The following SAMD3 variants were observed in gnomAD, a reference collection of about 807,000 sequenced individuals.
SAMD3 encodes the protein sterile alpha motif domain-containing protein 3.
In SAMD3, 63 loss-of-function variants were observed where a neutral mutation model predicts 58.5. The ratio of observed to expected loss-of-function variants is 1.08; its 90% CI spans 0.88 to 1.33. The LOEUF is 1.33. Ranked by LOEUF, SAMD3 falls within the 40% of genes most tolerant of loss-of-function variation. The pLI, the probability that SAMD3 is intolerant of heterozygous loss-of-function variation, is 0.00. For missense variants in SAMD3, 604 were observed against 608.4 expected (o/e 0.99, Z 0.08); for synonymous variants, 220 against 210.3 (o/e 1.05, Z -0.40).
chr6:130,287,728 G>A (rs563060194), intron 2 of SAMD3, among the ~76,000 whole-genome samples: 5 of 152,156 alleles, frequency 3.3e-5, no homozygotes, highest in African/African-American at 9.6e-5. Flanking sequence ...GGCAGATCAC[G>A]AGGTTAAGCA....
chr6:130,169,322 T>C (rs1468848338), intron 8 of SAMD3, among the ~76,000 whole-genome samples: 2 of 152,202 alleles, frequency 1.3e-5, no homozygotes, highest in Admixed American at 6.5e-5. Flanking sequence ...TTCTGTAATA[T>C]TCCATTATAA....
At chr6:130,269,441 G>T (rs902754506) in intron 2 of SAMD3, among the ~76,000 whole-genome samples, 18 of 152,094 alleles carry the variant, frequency 1.2e-4, no homozygotes, top group Non-Finnish European at 2.1e-4. Flanking sequence ...TTTTATTTCA[G>T]GAGTTTGTGA....
At chr6:130,228,686 A>T (rs761977466) in intron 2 of SAMD3, among the ~76,000 whole-genome samples, 1 of 152,220 alleles carries the variant, frequency 6.6e-6, no homozygotes, top group African/African-American at 2.4e-5. Flanking sequence ...GTTTTCACGC[A>T]TGTTCCTCCT....
intron 8 of SAMD3, chr6:130,162,029 G>A (rs2114616179): frequency 4.9e-6 from 2 of 407,012 alleles, no homozygotes; most frequent in Non-Finnish European, 8.7e-6. Context: ...TACACTGAAG[G>A]GAAGTGTAGG....
intron 2 of SAMD3, among the ~76,000 whole-genome samples, chr6:130,264,188 C>G (rs1209035761): frequency 6.6e-6 from 1 of 152,188 alleles, no homozygotes; most frequent in African/African-American, 2.4e-5. Context: ...TGCATGGTAG[C>G]TCTTTTCCCG....
At chr6:130,345,647 T>A (rs1777426149) in intron 1 of SAMD3, among the ~76,000 whole-genome samples, 1 of 151,150 alleles carries the variant, frequency 6.6e-6, no homozygotes, top group East Asian at 2.0e-4. Flanking sequence ...GTACCTGGCA[T>A]ATGGCAGGCC....
intron 2 of SAMD3, among the ~76,000 whole-genome samples, chr6:130,266,712 A>G (rs1774369602): frequency 6.6e-6 from 1 of 152,226 alleles, no homozygotes; most frequent in African/African-American, 2.4e-5. Context: ...CCTGACCAGT[A>G]GGCAGGTAGT....
At chr6:130,197,441 A>T (rs1424236874) in intron 5 of SAMD3, among the ~76,000 whole-genome samples, 1 of 152,222 alleles carries the variant, frequency 6.6e-6, no homozygotes, top group Non-Finnish European at 1.5e-5. Flanking sequence ...TGCTGGTAGG[A>T]CTATGCTGAA....
At chr6:130,317,554 G>T (rs1304121613) in intron 1 of SAMD3, among the ~76,000 whole-genome samples, 2 of 152,180 alleles carry the variant, frequency 1.3e-5, no homozygotes, top group South Asian at 2.1e-4. Context: ...CTTATACAAA[G>T]AAACTGATAT....
intron 2 of SAMD3, among the ~76,000 whole-genome samples, chr6:130,233,606 C>G (rs191133095): frequency 6.6e-6 from 1 of 152,226 alleles, no homozygotes; most frequent in South Asian, 2.1e-4. Context: ...GAAGGAATCA[C>G]TTTAAAAAGC....
At chr6:130,340,285 G>C (rs114311686) in intron 1 of SAMD3, among the ~76,000 whole-genome samples, 3 of 152,268 alleles carry the variant, frequency 2.0e-5, no homozygotes, top group South Asian at 4.2e-4. Flanking sequence ...GGCTCTAGGG[G>C]AGAATCTGTT....
At chr6:130,192,054 G>A (rs1793595817) in intron 5 of SAMD3, among the ~76,000 whole-genome samples, 1 of 152,156 alleles carries the variant, frequency 6.6e-6, no homozygotes, top group Non-Finnish European at 1.5e-5. Flanking sequence ...TGCCATGCAT[G>A]TGGTTCTCCT....
intron 2 of SAMD3, among the ~76,000 whole-genome samples, chr6:130,306,026 C>T (rs897712707): frequency 1.3e-5 from 2 of 152,154 alleles, no homozygotes; most frequent in African/African-American, 4.8e-5. Flanking sequence ...AAGGAAAAGG[C>T]AGTTCTCTAG....
At chr6:130,174,187 G>A (rs1355938067) in intron 8 of SAMD3, among the ~76,000 whole-genome samples, 1 of 152,174 alleles carries the variant, frequency 6.6e-6, no homozygotes, top group Non-Finnish European at 1.5e-5. Flanking sequence ...GGATTGAACA[G>A]TTCTGTCTCA....
chr6:130,231,007 C>T (rs1024969529), intron 2 of SAMD3, among the ~76,000 whole-genome samples: 2 of 151,814 alleles, frequency 1.3e-5, no homozygotes, highest in Admixed American at 6.6e-5. Context: ...CTATTAATGA[C>T]TTAAATAAGA....
intron 1 of SAMD3, among the ~76,000 whole-genome samples, 152 bp downstream of exon 1, chr6:130,222,542 T>C (rs12194317): frequency 0.1 from 15,949 of 152,232 alleles, 1,099 homozygotes; most frequent in Admixed American, 0.16. Context: ...GGAAAGCATA[T>C]ACTAGAAGGC....
chr6:130,311,902 C>A (rs960379608), intron 2 of SAMD3, among the ~76,000 whole-genome samples: 1 of 152,084 alleles, frequency 6.6e-6, no homozygotes, highest in Admixed American at 6.6e-5. Flanking sequence ...AGGAGGGGGG[C>A]CTTTGATGAG....
At chr6:130,195,801 C>A (rs1418174013) in intron 5 of SAMD3, among the ~76,000 whole-genome samples, 1 of 152,190 alleles carries the variant, frequency 6.6e-6, no homozygotes, top group African/African-American at 2.4e-5. Context: ...CACGTGCTCT[C>A]CCTGCCGATC....
intron 9 of SAMD3, among the ~76,000 whole-genome samples, chr6:130,147,780 A>G (rs1168523770): frequency 1.3e-5 from 2 of 152,214 alleles, no homozygotes; most frequent in Admixed American, 1.3e-4. Context: ...TTTAGATACC[A>G]CGCCTCTCTA....
Sources: allele counts gnomAD v4.1 joint callset (sites outside exome capture counted in the v4.1 genomes callset), GRCh38; gene constraint gnomAD v4.1.1; transcripts MANE v1.5; gene names NCBI Gene and HGNC (gene_info 2026-07-23, HGNC 2026-07-21).